PCDHGA10: variants seen among roughly 807,000 people sequenced by gnomAD.
The protein encoded by PCDHGA10 is protocadherin gamma subfamily A, 10.
In PCDHGA10, 42 loss-of-function variants were observed where a neutral mutation model predicts 59.5. The ratio of observed to expected loss-of-function variants is 0.71; its 90% CI spans 0.55 to 0.91. The LOEUF (loss-of-function observed/expected upper bound fraction) is 0.91. PCDHGA10 is among the 40% of genes least tolerant of loss of function. The probability of loss-of-function intolerance (pLI) is 0.00; values close to 1 mark genes in which losing one functional copy is unlikely to be tolerated. For missense variants in PCDHGA10, 1,111 were observed against 1,198.2 expected, an observed-to-expected ratio of 0.93 and a Z score of 1.07; for synonymous variants, 511 against 517.2, an observed-to-expected ratio of 0.99 and a Z score of 0.16.
At chr5:141,464,600 C>T (rs970370250) in intron 1 of PCDHGA10, among the ~76,000 whole-genome samples, 24 of 152,118 alleles carry the variant, frequency 1.6e-4, no homozygotes, top group Admixed American at 1.1e-3. Flanking sequence ...CCATAGTCTC[C>T]TTTGCAGAGT....
Position 141,491,906 on chromosome 5 carries a change from T to A in PCDHGA10, c.2437-2901T>A, listed in dbSNP as rs1490050332. On this transcript the variant is annotated intron_variant, in intron 1 of 3. Transcript: ENST00000398610. The surrounding 1 kb of genome is among the most constrained non-coding windows in gnomAD (Gnocchi z 6.9). ...ATGGGGCTCCGAGCACCGGGGGTGG[T>A]GGCGACTGTGGGCGAGGGGAGGTGG... is the stretch of plus-strand genomic sequence containing the variant. 7.1e-7 allele frequency: 1 copy of A among 1,414,468 alleles called. No individual in the cohort carries two copies. Among genetic ancestry groups the A allele is most frequent in the African/African-American group, 1.4e-5 (1 of 69,002 alleles). 87.6% of individuals were successfully genotyped at this position (1,414,468 alleles called of 1,614,324 possible).
At chr5:141,448,710 G>T (rs897054829) in intron 1 of PCDHGA10, among the ~76,000 whole-genome samples, 1 of 152,162 alleles carries the variant, frequency 6.6e-6, no homozygotes, top group Non-Finnish European at 1.5e-5. Flanking sequence ...GGAGGCCGAG[G>T]CGGGAGGATC....
chr5:141,454,796 A>ATTTTTTTTTTTTTTTTTTTTTTTTTTTT (rs61612330), intron 1 of PCDHGA10, among the ~76,000 whole-genome samples: 3 of 77,456 alleles, frequency 3.9e-5, no homozygotes, highest in Admixed American at 1.8e-4. Flanking sequence ...CATGGTTCTA[A>ATTTTTTTTTTTTTTTTTTTTTTTTTTTT]TTTTTTTTTT....
At chr5:141,494,772 G>C in intron 1 of PCDHGA10, 35 bp from the exon 2 acceptor site, 1 of 1,613,982 alleles carries the variant, frequency 6.2e-7, no homozygotes, top group Non-Finnish European at 8.5e-7. Context: ...ACTTCTCACG[G>C]GTACTCAGCC....
intron 1 of PCDHGA10, among the ~76,000 whole-genome samples, chr5:141,448,871 G>A (rs1326162054): frequency 6.6e-6 from 1 of 152,148 alleles, no homozygotes; most frequent in Non-Finnish European, 1.5e-5. Flanking sequence ...CGTGAACCTG[G>A]GAGGCGGAGC....
chr5:141,438,254 A>G (rs916664408), intron 1 of PCDHGA10, among the ~76,000 whole-genome samples: 1 of 152,170 alleles, frequency 6.6e-6, no homozygotes, highest in Non-Finnish European at 1.5e-5. Context: ...CTGTCATTGA[A>G]GAGACCATAG....
chr5:141,437,217 T>G (rs2097868672), intron 1 of PCDHGA10, among the ~76,000 whole-genome samples: 1 of 152,230 alleles, frequency 6.6e-6, no homozygotes, highest in Admixed American at 6.5e-5. Flanking sequence ...TTATTCTGAT[T>G]CCAGTCATAA....
At chr5:141,446,657 A>G (rs2098510367) in intron 1 of PCDHGA10, among the ~76,000 whole-genome samples, 1 of 152,092 alleles carries the variant, frequency 6.6e-6, no homozygotes, top group African/African-American at 2.4e-5. Context: ...TTGTATTTTT[A>G]GTACAAGACA....
intron 3 of PCDHGA10, 149 bp downstream of exon 3, chr5:141,505,630 A>T: frequency 6.8e-7 from 1 of 1,480,262 alleles, no homozygotes; most frequent in East Asian, 2.4e-5. Flanking sequence ...AATTCCAAAC[A>T]TAAAGCCTGG....
intron 2 of PCDHGA10, among the ~76,000 whole-genome samples, chr5:141,501,838 G>C (rs888418141): frequency 6.6e-6 from 1 of 152,000 alleles, no homozygotes; most frequent in African/African-American, 2.4e-5. Flanking sequence ...CACCTGTTTG[G>C]CCCTCAACCT....
At chr5:141,422,989 C>T (rs777558098) in intron 1 of PCDHGA10, 1 of 1,614,232 alleles carries the variant, frequency 6.2e-7, no homozygotes, top group African/African-American at 1.3e-5. Flanking sequence ...ACCTGGCTAC[C>T]TGGTGACCAA....
At chr5:141,444,561 G>A (rs1554133061) in intron 1 of PCDHGA10, among the ~76,000 whole-genome samples, 2 of 152,098 alleles carry the variant, frequency 1.3e-5, no homozygotes, top group Non-Finnish European at 2.9e-5. Context: ...GCACTTATTT[G>A]ACACTTTTGA....
intron 1 of PCDHGA10, chr5:141,427,043 G>A: frequency 2.2e-6 from 1 of 457,348 alleles, no homozygotes; most frequent in Non-Finnish European, 4.4e-6. Context: ...GAGAGAATGT[G>A]CCCCCAGGCA....
At chr5:141,504,240 G>A (rs1275204117) in intron 2 of PCDHGA10, among the ~76,000 whole-genome samples, 1 of 152,182 alleles carries the variant, frequency 6.6e-6, no homozygotes, top group Non-Finnish European at 1.5e-5. Context: ...AAGAAGCAGA[G>A]AGTTCTTCTT....
chr5:141,497,832 G>C (rs1326640712), intron 2 of PCDHGA10, among the ~76,000 whole-genome samples: 1 of 151,992 alleles, frequency 6.6e-6, no homozygotes, highest in East Asian at 1.9e-4. Context: ...GATCGCCCCC[G>C]GCCACAACAA....
intron 1 of PCDHGA10, among the ~76,000 whole-genome samples, chr5:141,474,511 C>T (rs2099350824): frequency 6.6e-6 from 1 of 152,202 alleles, no homozygotes; most frequent in Non-Finnish European, 1.5e-5. Context: ...TATCAGCCCT[C>T]TTGCTGGTCT....
At chr5:141,457,715 CA>C (rs2098928510) in intron 1 of PCDHGA10, among the ~76,000 whole-genome samples, 2 of 152,212 alleles carry the variant, frequency 1.3e-5, no homozygotes, top group Non-Finnish European at 2.9e-5. Flanking sequence ...CACTGTTCCA[CA>C]AGGAATTTCA....
intron 2 of PCDHGA10, among the ~76,000 whole-genome samples, chr5:141,501,620 T>G (rs1393018933): frequency 6.6e-6 from 1 of 152,090 alleles, no homozygotes; most frequent in Non-Finnish European, 1.5e-5. Context: ...GACTCTGGTA[T>G]AGTCTCTCAA....
At chr5:141,474,754 T>C (rs1351752958) in intron 1 of PCDHGA10, among the ~76,000 whole-genome samples, 4 of 152,228 alleles carry the variant, frequency 2.6e-5, no homozygotes, top group Non-Finnish European at 4.4e-5. Flanking sequence ...CCAAGACAAA[T>C]ATACAGAAAT....
Sources: allele counts gnomAD v4.1 joint callset (sites outside exome capture counted in the v4.1 genomes callset), GRCh38; gene constraint gnomAD v4.1.1; non-coding constraint Gnocchi (gnomAD v3.1); transcripts MANE v1.5; gene names NCBI Gene and HGNC (gene_info 2026-07-23, HGNC 2026-07-21).